PCDH7: variants seen among roughly 807,000 people sequenced by gnomAD.
PCDH7 encodes protocadherin-7.
PCDH7 carries 17 observed loss-of-function variants against 58.9 expected under a neutral mutation model. That is an observed-to-expected ratio of 0.29 (90% CI 0.20 to 0.43). The LOEUF is 0.43. Among genes scored for constraint, PCDH7 ranks in the 20% least tolerant of loss-of-function variants. The probability of loss-of-function intolerance (pLI) is 1.00; values close to 1 mark genes in which losing one functional copy is unlikely to be tolerated. For missense variants in PCDH7, 1,274 were observed against 1,441.0 expected (o/e 0.88, Z 1.88); for synonymous variants, 664 against 616.4 (o/e 1.08, Z -1.14).
chr4:31,102,101 G>T (rs1432797155), intron 3 of PCDH7, among the ~76,000 whole-genome samples: 1 of 152,000 alleles, frequency 6.6e-6, no homozygotes, highest in African/African-American at 2.4e-5. Context: ...CTAGCAATAG[G>T]TATCATTCTT....
intron 3 of PCDH7, among the ~76,000 whole-genome samples, chr4:31,085,824 A>G (rs560913515): frequency 6.6e-6 from 1 of 151,508 alleles, no homozygotes; most frequent in Admixed American, 6.6e-5. Flanking sequence ...TCCTACATAC[A>G]CATCAGACTC....
intron 3 of PCDH7, among the ~76,000 whole-genome samples, chr4:31,030,119 T>C (rs1754769185): frequency 1.7e-5 from 2 of 116,336 alleles, no homozygotes; most frequent in African/African-American, 8.2e-5. Flanking sequence ...TTTGTGTGGG[T>C]TGCGTGTGTA....
chr4:31,052,186 T>A (rs962821236), intron 3 of PCDH7, among the ~76,000 whole-genome samples: 1 of 152,138 alleles, frequency 6.6e-6, no homozygotes, highest in Non-Finnish European at 1.5e-5. Context: ...AAATGATTTA[T>A]CATGCCTGTT....
chr4:31,098,420 T>G (rs1365356742), intron 3 of PCDH7, among the ~76,000 whole-genome samples: 1 of 152,212 alleles, frequency 6.6e-6, no homozygotes, highest in South Asian at 2.1e-4. Flanking sequence ...CTAATATTCC[T>G]AGTCACCCTG....
Position 30,918,419 on chromosome 4 carries a change from T to A in PCDH7, c.71-1734T>A, listed in dbSNP as rs529150427. On this transcript the variant is annotated intron_variant, in intron 1 of 3. Coordinates refer to the PCDH7 transcript ENST00000509759. ...GTACAAATTGATTTCTTTATTTTTT[T>A]AAATACAGGGTATTTACATTTCTTT... 4.6e-5 allele frequency among the ~76,000 whole-genome samples: 7 copies of A among 152,238 alleles called. No homozygotes were observed. The East Asian group carries it at 9.7e-4, about 21-fold the overall frequency.
chr4:30,737,962 G>T (rs1055404523), downstream of PCDH7, among the ~76,000 whole-genome samples: 12 of 152,112 alleles, frequency 7.9e-5, no homozygotes, highest in African/African-American at 2.9e-4. Flanking sequence ...CAAGGTGCTG[G>T]CAAATTCAGT....
At chr4:30,919,321 A>G (rs1459969919) in intron 1 of PCDH7, among the ~76,000 whole-genome samples, 2 of 152,112 alleles carry the variant, frequency 1.3e-5, no homozygotes, top group Non-Finnish European at 2.9e-5. Flanking sequence ...TTTGTGGTTA[A>G]CCAAGATAAT....
chr4:31,054,523 C>T (rs1418273819), intron 3 of PCDH7, among the ~76,000 whole-genome samples: 1 of 152,192 alleles, frequency 6.6e-6, no homozygotes, highest in Non-Finnish European at 1.5e-5. Context: ...GCCACATCAA[C>T]TTTCACAGAA....
At chr4:31,049,403 A>G (rs1170592189) in intron 3 of PCDH7, among the ~76,000 whole-genome samples, 1 of 152,126 alleles carries the variant, frequency 6.6e-6, no homozygotes, top group Admixed American at 6.6e-5. Context: ...TATAGGCCCT[A>G]GTTAGGAGAA....
intron 3 of PCDH7, among the ~76,000 whole-genome samples, chr4:30,968,386 A>AGTG (rs1560541616): frequency 1.7e-5 from 1 of 58,138 alleles, no homozygotes; most frequent in African/African-American, 1.2e-4. Flanking sequence ...CTATATATAT[A>AGTG]TATATATATA....
At chr4:30,852,102 T>C (rs926442677) in intron 1 of PCDH7, among the ~76,000 whole-genome samples, 1 of 152,132 alleles carries the variant, frequency 6.6e-6, no homozygotes, top group African/African-American at 2.4e-5. Context: ...AAACAGTATT[T>C]TCTTATGTAA....
intron 2 of PCDH7, among the ~76,000 whole-genome samples, chr4:30,930,768 C>CAA (rs33945579): frequency 7.1e-6 from 1 of 141,752 alleles, no homozygotes; most frequent in Admixed American, 7.1e-5. Flanking sequence ...CCTGTCTCTG[C>CAA]AAAAAAAAAA....
At chr4:31,001,884 A>C (rs1319685075) in intron 3 of PCDH7, among the ~76,000 whole-genome samples, 1 of 152,232 alleles carries the variant, frequency 6.6e-6, no homozygotes, top group Admixed American at 6.5e-5. Flanking sequence ...TTTTCTTAAC[A>C]GGTATAATAT....
chr4:31,100,376 T>G (rs1714751518), intron 3 of PCDH7, among the ~76,000 whole-genome samples: 1 of 152,120 alleles, frequency 6.6e-6, no homozygotes. Flanking sequence ...CAAAGAACTT[T>G]TAGTAAGATA....
chr4:31,051,443 T>C (rs957828791), intron 3 of PCDH7, among the ~76,000 whole-genome samples: 17 of 152,142 alleles, frequency 1.1e-4, no homozygotes, highest in African/African-American at 3.9e-4. Context: ...TACTGAGGCA[T>C]AGTGAAGCTA....
At chr4:30,788,460 G>A (rs1488346945) in intron 1 of PCDH7, among the ~76,000 whole-genome samples, 13 of 151,706 alleles carry the variant, frequency 8.6e-5, no homozygotes, top group Non-Finnish European at 2.9e-5. Flanking sequence ...AGGGATTTTT[G>A]TCCTTATTTA....
chr4:30,791,696 T>A (rs1388042886), intron 1 of PCDH7, among the ~76,000 whole-genome samples: 1 of 152,206 alleles, frequency 6.6e-6, no homozygotes, highest in East Asian at 1.9e-4. Flanking sequence ...TCAAATATAA[T>A]TCAAATCTTA....
At chr4:30,746,835 T>C (rs1717841600) in intron 1 of PCDH7, among the ~76,000 whole-genome samples, 1 of 152,192 alleles carries the variant, frequency 6.6e-6, no homozygotes, top group Admixed American at 6.5e-5. Context: ...TCACTTCTTT[T>C]ATTCCTCTCC....
At chr4:30,992,647 G>C (rs1046584654) in intron 3 of PCDH7, among the ~76,000 whole-genome samples, 1 of 152,000 alleles carries the variant, frequency 6.6e-6, no homozygotes, top group African/African-American at 2.4e-5. Flanking sequence ...GTTAGCCATA[G>C]GAGAAGGAGC....
Sources: gnomAD v4.1 joint callset for allele counts (sites outside exome capture counted in the v4.1 genomes callset) on GRCh38, gnomAD v4.1.1 for gene constraint, MANE v1.5 for transcripts, NCBI Gene and HGNC (gene_info 2026-07-23, HGNC 2026-07-21) for gene names.